Variants in CNBD1 observed in about 807,000 individuals in gnomAD.
The protein encoded by CNBD1 is cyclic nucleotide binding domain containing 1.
Under a neutral mutation model 54.4 loss-of-function variants are expected in CNBD1, and 71 were observed. The observed-to-expected ratio is 1.30, with a 90% confidence interval of 1.08 to 1.59. CNBD1 has a LOEUF of 1.59. Among genes scored for constraint, CNBD1 ranks in the 40% most tolerant of loss-of-function variants. The pLI is 0.00. For synonymous variants in CNBD1, 182 were observed against 170.7 expected, an observed-to-expected ratio of 1.07 and a Z score of -0.51; for missense variants, 659 against 518.0, an observed-to-expected ratio of 1.27 and a Z score of -2.64.
intron 5 of CNBD1, among the ~76,000 whole-genome samples, chr8:87,227,052 A>G (rs1300058830): frequency 6.6e-6 from 1 of 151,190 alleles, no homozygotes; most frequent in Non-Finnish European, 1.5e-5. Context: ...ATCAGAGACT[A>G]GGATTGCAAC....
At chr8:86,941,278 G>T (rs1243722038) in intron 4 of CNBD1, among the ~76,000 whole-genome samples, 1 of 152,146 alleles carries the variant, frequency 6.6e-6, no homozygotes. Context: ...GAAAAAATTA[G>T]GAAATTCAAC....
At chr8:87,234,854 T>C (rs1182109677) in intron 5 of CNBD1, among the ~76,000 whole-genome samples, 3 of 152,190 alleles carry the variant, frequency 2.0e-5, no homozygotes, top group Non-Finnish European at 4.4e-5. Context: ...TTCTCTCTTT[T>C]AGCTATAAAA....
chr8:87,334,810 A>G (rs1181808186), intron 8 of CNBD1, among the ~76,000 whole-genome samples: 3 of 145,852 alleles, frequency 2.1e-5, no homozygotes, highest in Non-Finnish European at 4.5e-5. Flanking sequence ...TGCAATCTCC[A>G]CCTCCTGGAT....
At chr8:87,346,460 G>C (rs1480567423) in intron 8 of CNBD1, among the ~76,000 whole-genome samples, 4 of 151,408 alleles carry the variant, frequency 2.6e-5, no homozygotes, top group African/African-American at 9.7e-5. Context: ...GTTATTTTTT[G>C]TAATCCAATT....
At chr8:87,376,515 G>T (rs149594341) in intron 10 of CNBD1, among the ~76,000 whole-genome samples, 6 of 151,902 alleles carry the variant, frequency 3.9e-5, no homozygotes, top group African/African-American at 1.4e-4. Context: ...AGTAAAAACC[G>T]GCCTAAAAAT....
intron 6 of CNBD1, among the ~76,000 whole-genome samples, chr8:87,253,958 C>A (rs889977192): frequency 2.0e-5 from 3 of 152,006 alleles, no homozygotes; most frequent in African/African-American, 7.3e-5. Context: ...GTATCATACA[C>A]AAAGTAGAGG....
chr8:87,193,376 G>GA (rs1423793513), intron 4 of CNBD1, among the ~76,000 whole-genome samples: 1 of 152,148 alleles, frequency 6.6e-6, no homozygotes, highest in African/African-American at 2.4e-5. Context: ...TTTTTAATTA[G>GA]AAAAAAATCA....
intron 4 of CNBD1, among the ~76,000 whole-genome samples, chr8:87,086,421 G>C (rs1811097660): frequency 6.6e-6 from 1 of 152,150 alleles, no homozygotes; most frequent in Non-Finnish European, 1.5e-5. Flanking sequence ...ATTGTTAGAA[G>C]GTGGGAGAGG....
intron 8 of CNBD1, among the ~76,000 whole-genome samples, chr8:87,300,331 G>A (rs13250073): frequency 0.38 from 57,484 of 151,766 alleles, 11,143 homozygotes; most frequent in Middle Eastern, 0.45. Flanking sequence ...ATTATATCTC[G>A]ATCAATAAGT....
In CNBD1 at chr8:87,300,914, G is replaced by C. The variant is rs145739447; in HGVS notation, c.1042+14243G>C. On this transcript the variant is annotated intron_variant, in intron 8 of 10. Transcript: ENST00000518476. ...ATACAAAAGATGAAACAAAATGTTG[G>C]TTCTTTGAAAAAATAAATAAAATTG... 4.3e-3 allele frequency among the ~76,000 whole-genome samples: 647 copies of C among 152,026 alleles called. 7 individuals carry two copies. Among genetic ancestry groups the C allele is most frequent in the African/African-American group, 0.015 (617 of 41,490 alleles).
intron 2 of CNBD1, among the ~76,000 whole-genome samples, chr8:86,903,750 A>G (rs1808974058): frequency 6.6e-6 from 1 of 152,102 alleles, no homozygotes; most frequent in African/African-American, 2.4e-5. Context: ...TAAATGTGCA[A>G]TAATACAAAA....
chr8:87,305,380 A>C (rs1357487265), intron 8 of CNBD1, among the ~76,000 whole-genome samples: 1 of 152,142 alleles, frequency 6.6e-6, no homozygotes, highest in Non-Finnish European at 1.5e-5. Context: ...TACCACCATC[A>C]TTCTTCAGAG....
At chr8:87,144,788 C>A (rs1362836643) in intron 4 of CNBD1, among the ~76,000 whole-genome samples, 2 of 148,308 alleles carry the variant, frequency 1.3e-5, no homozygotes, top group Non-Finnish European at 3.0e-5. Context: ...CCATTGCACT[C>A]CAGCCTGGGC....
intron 4 of CNBD1, among the ~76,000 whole-genome samples, chr8:86,974,547 C>T (rs937764520): frequency 2.0e-5 from 3 of 151,994 alleles, no homozygotes; most frequent in Non-Finnish European, 4.4e-5. Context: ...CCTATCCACA[C>T]AATAGAATGC....
In CNBD1 at chr8:87,326,223, G is replaced by C. The variant is rs1028411289; in HGVS notation, c.1043-25462G>C. Among the ~76,000 whole-genome samples, 9 of 122,810 alleles carry C rather than the reference G, an allele frequency of 7.3e-5. 1 individual carries two copies. The highest frequency in any genetic ancestry group is 1.6e-4 in the Non-Finnish European group (9 of 54,780). The allele number at this position is 122,810 out of a possible 152,430, so 80.6% of individuals were successfully genotyped here. A position where few individuals can be genotyped will look rare whatever the true frequency, so the allele number is the denominator to read the frequency against. On this transcript the variant is annotated intron_variant, in intron 8 of 10. Coordinates refer to ENST00000518476, the MANE Select transcript of CNBD1 (RefSeq NM_173538.3). ...TGAGGGTAACCCGACCTTTCTCTCT[G>C]GCTGCCCTTAACATTTTTTCCTTCA...
intron 4 of CNBD1, among the ~76,000 whole-genome samples, chr8:87,115,502 A>G (rs1349810893): frequency 3.3e-5 from 5 of 152,262 alleles, no homozygotes; most frequent in Non-Finnish European, 5.9e-5. Context: ...CACTATTTCT[A>G]TTTTTCATCC....
chr8:87,212,842 A>G (rs1814129862), intron 5 of CNBD1, among the ~76,000 whole-genome samples: 1 of 152,148 alleles, frequency 6.6e-6, no homozygotes, highest in Admixed American at 6.5e-5. Context: ...CAAAGAAAAA[A>G]TTGAATAATT....
At position 87,382,670 on chromosome 8, in the gene CNBD1, A is replaced by G; in HGVS notation, c.*43A>G. ...GTGAACATTAATTAAGAAAGTATTG[A>G]CTAAATAATGGAATAATTGCATTCT... On this transcript the variant is annotated 3_prime_UTR_variant, in exon 11 of 11. Transcript: ENST00000518476. 1 of 1,430,254 alleles carries G rather than the reference A, an allele frequency of 7.0e-7. No individual in the cohort carries two copies. Among genetic ancestry groups the G allele is most frequent in the Non-Finnish European group, 9.6e-7 (1 of 1,042,264 alleles). 88.6% of individuals were successfully genotyped at this position (1,430,254 alleles called of 1,614,324 possible).
chr8:87,098,535 G>A (rs1043691447), intron 4 of CNBD1, among the ~76,000 whole-genome samples: 1 of 151,770 alleles, frequency 6.6e-6, no homozygotes, highest in Non-Finnish European at 1.5e-5. Flanking sequence ...GAGAGAGAGT[G>A]TATTACCAAA....
Sources: gnomAD v4.1 joint callset for allele counts (sites outside exome capture counted in the v4.1 genomes callset) on GRCh38, gnomAD v4.1.1 for gene constraint, MANE v1.5 for transcripts, NCBI Gene and HGNC (gene_info 2026-07-23, HGNC 2026-07-21) for gene names.